Variants in FAM135B observed in about 807,000 individuals in gnomAD.
The protein encoded by FAM135B is family with sequence similarity 135 member B.
A neutral mutation model predicts 127.7 loss-of-function variants in FAM135B; 43 were observed. The observed-to-expected ratio is 0.34, with a 90% CI of 0.26 to 0.43. The LOEUF is 0.43. Among genes scored for constraint, FAM135B ranks in the 20% least tolerant of loss-of-function variants. The pLI is 1.00. For synonymous variants in FAM135B, 670 were observed against 665.1 expected (o/e 1.01, Z -0.11); for missense variants, 1,558 against 1,725.6 (o/e 0.90, Z 1.72).
intron 1 of FAM135B, among the ~76,000 whole-genome samples, chr8:138,483,905 T>G (rs1238981105): frequency 1.3e-5 from 2 of 152,152 alleles, no homozygotes; most frequent in African/African-American, 4.8e-5. Flanking sequence ...ACACATACAT[T>G]AATCACTGAA....
intron 1 of FAM135B, among the ~76,000 whole-genome samples, chr8:138,490,903 G>A (rs572241158): frequency 6.6e-6 from 1 of 152,228 alleles, no homozygotes; most frequent in East Asian, 1.9e-4. Flanking sequence ...AGAAATTTGG[G>A]GGGCCGAGGC....
chr8:138,251,195 T>C (rs1440067407), intron 5 of FAM135B, among the ~76,000 whole-genome samples, 181 bp from the exon 6 acceptor site: 4 of 152,186 alleles, frequency 2.6e-5, no homozygotes, highest in African/African-American at 9.7e-5. Flanking sequence ...GAGAAAACCA[T>C]GGCTCACAGG....
At chr8:138,251,351 C>T (rs1468476260) in intron 5 of FAM135B, among the ~76,000 whole-genome samples, 1 of 152,084 alleles carries the variant, frequency 6.6e-6, no homozygotes, top group East Asian at 1.9e-4. Flanking sequence ...CTACTTTTTC[C>T]ACTTCTTTAT....
intron 3 of FAM135B, among the ~76,000 whole-genome samples, chr8:138,301,010 A>G (rs899073179): frequency 4.6e-5 from 7 of 152,000 alleles, no homozygotes; most frequent in African/African-American, 7.2e-5. Context: ...TCGGCCTCCC[A>G]AAGTGCTGGG....
At chr8:138,374,987 A>C (rs1292695170) in intron 1 of FAM135B, among the ~76,000 whole-genome samples, 2 of 135,446 alleles carry the variant, frequency 1.5e-5, no homozygotes, top group Non-Finnish European at 3.0e-5. Flanking sequence ...GAAAATTAAC[A>C]ACAACAACAA....
chr8:138,432,991 G>T (rs536585091), intron 1 of FAM135B, among the ~76,000 whole-genome samples: 1 of 152,010 alleles, frequency 6.6e-6, no homozygotes. Context: ...GAGGACTGAC[G>T]GGGAAAATAC....
chr8:138,407,954 G>T (rs565392520), intron 1 of FAM135B, among the ~76,000 whole-genome samples: 1 of 152,146 alleles, frequency 6.6e-6, no homozygotes. Flanking sequence ...TTTCTGAGCC[G>T]TAGGTTTCAA....
chr8:138,201,853 C>G (rs1008554574), intron 7 of FAM135B, among the ~76,000 whole-genome samples: 1 of 152,080 alleles, frequency 6.6e-6, no homozygotes, highest in South Asian at 2.1e-4. Flanking sequence ...CCACTGAGTG[C>G]AGTGGCTCAG....
At chr8:138,254,137 G>C (rs1299800699) in intron 5 of FAM135B, among the ~76,000 whole-genome samples, 1 of 152,192 alleles carries the variant, frequency 6.6e-6, no homozygotes, top group African/African-American at 2.4e-5. Flanking sequence ...TTAATCATCA[G>C]ACAGACCTAT....
chr8:138,248,317 G>A (rs1211149910), intron 6 of FAM135B, among the ~76,000 whole-genome samples: 1 of 152,104 alleles, frequency 6.6e-6, no homozygotes, highest in East Asian at 1.9e-4. Context: ...ATTACAGTTT[G>A]GTCTATATGT....
intron 7 of FAM135B, among the ~76,000 whole-genome samples, chr8:138,240,005 G>C (rs796628558): frequency 1.4e-5 from 2 of 144,336 alleles, no homozygotes; most frequent in South Asian, 2.2e-4. Context: ...GTCATGGGGT[G>C]GGGGAGGGGG....
chr8:138,137,000 A>G (rs1816717174), intron 19 of FAM135B, 147 bp downstream of exon 19: 2 of 618,004 alleles, frequency 3.2e-6, no homozygotes, highest in Non-Finnish European at 5.8e-6. Context: ...TAACATCGAG[A>G]TGAGCTATGT....
intron 1 of FAM135B, among the ~76,000 whole-genome samples, chr8:138,447,795 C>T (rs1289128450): frequency 7.2e-6 from 1 of 139,490 alleles, no homozygotes; most frequent in Non-Finnish European, 1.5e-5. Context: ...TACCCTAGAA[C>T]TTAAAGTATA....
intron 1 of FAM135B, among the ~76,000 whole-genome samples, chr8:138,466,154 C>G (rs1326740303): frequency 6.6e-6 from 1 of 152,214 alleles, no homozygotes; most frequent in Non-Finnish European, 1.5e-5. Flanking sequence ...AGCTCCAGGT[C>G]TTGCTCATAT....
intron 9 of FAM135B, among the ~76,000 whole-genome samples, chr8:138,182,704 T>C (rs1356277828): frequency 1.3e-5 from 2 of 152,200 alleles, no homozygotes; most frequent in African/African-American, 2.4e-5. Context: ...GAGGAGGTGA[T>C]ACTTACATTA....
At chr8:138,205,629 C>T (rs887545386) in intron 7 of FAM135B, among the ~76,000 whole-genome samples, 5 of 152,138 alleles carry the variant, frequency 3.3e-5, no homozygotes, top group Non-Finnish European at 5.9e-5. Flanking sequence ...GTCAGTAATA[C>T]CTAAATTATG....
chr8:138,193,137 G>T (rs16908525), intron 9 of FAM135B, among the ~76,000 whole-genome samples: 2,597 of 152,282 alleles, frequency 0.017, 70 homozygotes, highest in African/African-American at 0.057. Context: ...CCTCACGACC[G>T]CACAGCTGGG....
chr8:138,405,056 A>G (rs1355684079), intron 1 of FAM135B, among the ~76,000 whole-genome samples: 1 of 152,134 alleles, frequency 6.6e-6, no homozygotes, highest in Admixed American at 6.6e-5. Flanking sequence ...CACTAAATGT[A>G]TTTCTTAAAT....
At chr8:138,339,282 A>G (rs903385550) in intron 2 of FAM135B, among the ~76,000 whole-genome samples, 4 of 151,924 alleles carry the variant, frequency 2.6e-5, no homozygotes, top group African/African-American at 9.7e-5. Context: ...CTAAATAATC[A>G]TACAAATGTT....
Sources: allele counts gnomAD v4.1 joint callset (sites outside exome capture counted in the v4.1 genomes callset), GRCh38; gene constraint gnomAD v4.1.1; transcripts MANE v1.5; gene names NCBI Gene and HGNC (gene_info 2026-07-23, HGNC 2026-07-21).